Variants in TMEM170B observed in about 807,000 individuals in gnomAD.
The protein encoded by TMEM170B is transmembrane protein 170B.
In TMEM170B, 6 loss-of-function variants were observed where a neutral mutation model predicts 13.0. That is an observed-to-expected ratio of 0.46 (90% CI 0.25 to 0.91). The LOEUF (loss-of-function observed/expected upper bound fraction) is 0.91, where lower values mean the gene tolerates loss of function less well. Ranked by LOEUF, TMEM170B falls within the 40% of genes least tolerant of loss-of-function variation. TMEM170B has a pLI of 0.17. For missense variants in TMEM170B, 138 were observed against 165.2 expected, an observed-to-expected ratio of 0.84 and a Z score of 0.90; for synonymous variants, 61 against 64.9, an observed-to-expected ratio of 0.94 and a Z score of 0.29.
chr6:11,566,760 ATTCT>A (rs1220812440), intron 2 of TMEM170B, among the ~76,000 whole-genome samples: 1 of 152,164 alleles, frequency 6.6e-6, no homozygotes, highest in African/African-American at 2.4e-5. Context: ...CTTTTCCTTC[ATTCT>A]TCCTTTAGGG....
intron 1 of TMEM170B, among the ~76,000 whole-genome samples, chr6:11,554,032 T>G (rs1349461695): frequency 6.6e-6 from 1 of 152,178 alleles, no homozygotes; most frequent in Non-Finnish European, 1.5e-5. Flanking sequence ...CTTTGCATTA[T>G]TTGCAGTTTC....
chr6:11,550,235 C>T (rs10947403), intron 1 of TMEM170B, among the ~76,000 whole-genome samples: 8,742 of 150,964 alleles, frequency 0.058, 274 homozygotes, highest in East Asian at 0.16. Flanking sequence ...TGCTGTGGCG[C>T]AGTCTTGGCT....
chr6:11,553,475 T>G (rs903033412), intron 1 of TMEM170B, among the ~76,000 whole-genome samples: 1 of 152,190 alleles, frequency 6.6e-6, no homozygotes, highest in African/African-American at 2.4e-5. Context: ...AAATAAAGAT[T>G]TGAAAGAAGT....
At chr6:11,538,974 TTGTC>T (rs758522869) in intron 1 of TMEM170B, among the ~76,000 whole-genome samples, 1 of 152,160 alleles carries the variant, frequency 6.6e-6, no homozygotes, top group Non-Finnish European at 1.5e-5. Context: ...CCATTTCCTT[TTGTC>T]TGTCTGTCTC....
intron 2 of TMEM170B, among the ~76,000 whole-genome samples, chr6:11,573,997 A>G (rs1159060551): frequency 6.6e-6 from 1 of 152,140 alleles, no homozygotes; most frequent in African/African-American, 2.4e-5. Flanking sequence ...CTACTTTATC[A>G]TTCTCTGAAT....
At chr6:11,546,962 T>C (rs866106792) in intron 1 of TMEM170B, among the ~76,000 whole-genome samples, 4 of 152,212 alleles carry the variant, frequency 2.6e-5, no homozygotes, top group African/African-American at 9.7e-5. Flanking sequence ...CAACAACAAA[T>C]ACTGTAGTAA....
At position 11,565,126 on chromosome 6, in the gene TMEM170B, T is replaced by G. The variant is rs900712322; in HGVS notation, c.98-540T>G. Among the ~76,000 whole-genome samples the G allele has an allele frequency of 2.0e-5, 3 of 151,280 alleles. No individual in the cohort carries two copies. The East Asian group carries it at 5.9e-4, about 30-fold the overall frequency. On this transcript the variant is annotated intron_variant, in intron 1 of 2. Coordinates refer to ENST00000379426, the MANE Select transcript of TMEM170B (RefSeq NM_001100829.3). ...TTGAAAAGTTCTGGATAAGGAACAC[T>G]AAGATGACTAGAGGCAAATAATTTA... is the stretch of plus-strand genomic sequence containing the variant.
chr6:11,539,286 C>CT (rs1759328302), intron 1 of TMEM170B, among the ~76,000 whole-genome samples: 1 of 152,014 alleles, frequency 6.6e-6, no homozygotes, highest in East Asian at 1.9e-4. Context: ...TCAGTGCCTG[C>CT]TTTTCAGAGG....
At position 11,541,436 on chromosome 6, in the gene TMEM170B, T is replaced by C. The variant is rs928376948; in HGVS notation, c.97+3062T>C. Among the ~76,000 whole-genome samples the C allele has an allele frequency of 7.9e-5, 12 of 152,332 alleles. No homozygotes were observed. In the South Asian group the frequency reaches 1.0e-3, roughly 13 times the overall value. On this transcript the variant is annotated intron_variant, in intron 1 of 2. Transcript: ENST00000379426. ...CCTAAAGAACTGACATCTGCTAGTA[T>C]CAAACTTTCTTTTGCAGCTTTCTCA...
chr6:11,545,874 T>TGGTGGCGGGCGC (rs1269711976), intron 1 of TMEM170B, among the ~76,000 whole-genome samples: 1 of 149,052 alleles, frequency 6.7e-6, no homozygotes, highest in Admixed American at 6.7e-5. Flanking sequence ...TAGCCGGGCG[T>TGGTGGCGGGCGC]GGTGGCGGGC....
chr6:11,541,861 G>A (rs72834796), intron 1 of TMEM170B, among the ~76,000 whole-genome samples: 14,357 of 152,126 alleles, frequency 0.094, 789 homozygotes, highest in Middle Eastern at 0.15. Flanking sequence ...GTATCTCAGG[G>A]AATAGGGAAA....
chr6:11,552,137 G>A (rs56156527), intron 1 of TMEM170B, among the ~76,000 whole-genome samples: 12,810 of 152,126 alleles, frequency 0.084, 586 homozygotes, highest in Middle Eastern at 0.13. Context: ...AGGAGATTTT[G>A]TTATTGAGAG....
Position 11,538,427 on chromosome 6 carries a change from C to T in TMEM170B, c.97+53C>T, listed in dbSNP as rs1489097301. ...GGGATGCGGTCCGCCCCTCTCCTGT[C>T]TTCTCCTTCCTCGGGAGGGGACACG... On this transcript the variant is annotated intron_variant, in intron 1 of 2. Coordinates refer to ENST00000379426, the MANE Select transcript of TMEM170B (RefSeq NM_001100829.3). 4.1e-5 allele frequency: 54 copies of T among 1,331,314 alleles called. No individual in the cohort carries two copies. The Admixed American group carries it at 1.4e-3, about 34-fold the overall frequency. The allele number at this position is 1,331,314 out of a possible 1,614,324, so 82.5% of individuals were successfully genotyped here.
chr6:11,569,489 C>A (rs1759774047), intron 2 of TMEM170B, among the ~76,000 whole-genome samples: 1 of 152,068 alleles, frequency 6.6e-6, no homozygotes, highest in South Asian at 2.1e-4. Context: ...TTGTAAAGGG[C>A]CAAGTAATAA....
rs1366954594 is a variant in TMEM170B, at chr6:11,582,532, G to A, written c.*6971G>A. On this transcript the variant is annotated 3_prime_UTR_variant, in exon 3 of 3. Coordinates refer to ENST00000379426, the MANE Select transcript of TMEM170B (RefSeq NM_001100829.3). ...ACTTTCACTATATTTTCATGATGTG[G>A]TATTTTTCTCTATTTTTTCTTTTTC... The A allele has an allele frequency of 6.6e-6, 1 of 152,096 alleles. No homozygotes were observed. The highest frequency in any genetic ancestry group is 2.4e-5 in the African/African-American group (1 of 41,428). 9.4% of individuals were successfully genotyped at this position (152,096 alleles called of 1,614,324 possible).
At chr6:11,571,988 C>T (rs1283806077) in intron 2 of TMEM170B, among the ~76,000 whole-genome samples, 1 of 152,120 alleles carries the variant, frequency 6.6e-6, no homozygotes, top group Non-Finnish European at 1.5e-5. Context: ...GATAATATCT[C>T]TTACCCACTA....
At chr6:11,538,448 A>G in intron 1 of TMEM170B, 74 bp downstream of exon 1, 3 of 1,149,462 alleles carry the variant, frequency 2.6e-6, no homozygotes, top group Admixed American at 3.0e-5. Flanking sequence ...TCGGGAGGGG[A>G]CACGCTCCTC....
chr6:11,567,619 A>G (rs1213168956), intron 2 of TMEM170B, among the ~76,000 whole-genome samples: 2 of 152,050 alleles, frequency 1.3e-5, no homozygotes, highest in African/African-American at 2.4e-5. Context: ...TTCAATTGCT[A>G]TTTTTTGTTA....
rs1759878325 is a variant in TMEM170B at position 11,576,724 on chromosome 6, T to G, written c.*1163T>G. ...GCTAAGTAAAAATTGGGGAATATAGTAGATAATTTTAAAATTTGGCAATTA... is the reference window on the plus strand; with the variant it reads ...GCTAAGTAAAAATTGGGGAATATAGGAGATAATTTTAAAATTTGGCAATTA... On this transcript the variant is annotated 3_prime_UTR_variant, in exon 3 of 3. Coordinates refer to ENST00000379426, the MANE Select transcript of TMEM170B (RefSeq NM_001100829.3). 6.6e-6 allele frequency: 1 copy of G among 152,166 alleles called. No individual in the cohort carries two copies. The highest frequency in any genetic ancestry group is 1.5e-5 in the Non-Finnish European group (1 of 67,974). The allele number at this position is 152,166 out of a possible 1,614,324, so 9.4% of individuals were successfully genotyped here.
Sources: gnomAD v4.1 joint callset for allele counts (sites outside exome capture counted in the v4.1 genomes callset) on GRCh38, gnomAD v4.1.1 for gene constraint, MANE v1.5 for transcripts, NCBI Gene and HGNC (gene_info 2026-07-23, HGNC 2026-07-21) for gene names.